The following ARHGAP22 variants were observed in gnomAD, a reference collection of about 807,000 sequenced individuals.
The protein encoded by ARHGAP22 is rho GTPase-activating protein 22.
A neutral mutation model predicts 59.1 loss-of-function variants in ARHGAP22; 48 were observed. That is an observed-to-expected ratio of 0.81 (90% confidence interval 0.64 to 1.03). ARHGAP22 has a LOEUF of 1.03. Ranked by LOEUF, ARHGAP22 falls within the 50% of genes least tolerant of loss-of-function variation. The pLI is 0.00. For synonymous variants in ARHGAP22, 445 were observed against 416.4 expected, an observed-to-expected ratio of 1.07 and a Z score of -0.84; for missense variants, 1,015 against 958.7, an observed-to-expected ratio of 1.06 and a Z score of -0.78.
intron 2 of ARHGAP22, among the ~76,000 whole-genome samples, chr10:48,581,453 C>A (rs1429979050): frequency 6.6e-6 from 1 of 152,232 alleles, no homozygotes; most frequent in East Asian, 1.9e-4. Flanking sequence ...TCATTCAGAT[C>A]TAGCTGACTC....
intron 1 of ARHGAP22, among the ~76,000 whole-genome samples, chr10:48,597,467 G>A (rs1258209595): frequency 6.6e-6 from 1 of 152,176 alleles, no homozygotes; most frequent in Non-Finnish European, 1.5e-5. Context: ...ACAGGATTCT[G>A]AGTCCCGAGG....
At chr10:48,640,404 T>C (rs980325620) in intron 1 of ARHGAP22, among the ~76,000 whole-genome samples, 1 of 152,082 alleles carries the variant, frequency 6.6e-6, no homozygotes, top group Admixed American at 6.5e-5. Flanking sequence ...GTAGGATAAA[T>C]ACAAAGAGAT....
intron 3 of ARHGAP22, among the ~76,000 whole-genome samples, chr10:48,525,013 C>T (rs187900571): frequency 4.8e-4 from 73 of 152,284 alleles, no homozygotes; most frequent in African/African-American, 1.7e-3. Context: ...AAGTGTTTTG[C>T]AAGTGTGAGC....
chr10:48,452,885 T>C (rs1485178541), intron 8 of ARHGAP22, among the ~76,000 whole-genome samples: 1 of 152,236 alleles, frequency 6.6e-6, no homozygotes, highest in Non-Finnish European at 1.5e-5. Flanking sequence ...CTTATTGTTA[T>C]TTATCATAGA....
At chr10:48,528,629 C>T (rs9971117) in intron 3 of ARHGAP22, among the ~76,000 whole-genome samples, 25,445 of 152,000 alleles carry the variant, frequency 0.17, 2,313 homozygotes, top group East Asian at 0.33. Context: ...TGTGTCCCCT[C>T]CAAGTCTCAT....
At chr10:48,588,880 C>A (rs941031023) in intron 1 of ARHGAP22, among the ~76,000 whole-genome samples, 1 of 152,156 alleles carries the variant, frequency 6.6e-6, no homozygotes, top group Admixed American at 6.5e-5. Flanking sequence ...CTATAGACCT[C>A]TGCTGAGGTC....
intron 1 of ARHGAP22, among the ~76,000 whole-genome samples, chr10:48,648,741 G>A (rs2062420642): frequency 6.6e-6 from 1 of 152,236 alleles, no homozygotes; most frequent in South Asian, 2.1e-4. Flanking sequence ...GCAGCAGGGA[G>A]GCCGGCACTG....
At chr10:48,523,057 C>T (rs1435646488) in intron 3 of ARHGAP22, among the ~76,000 whole-genome samples, 1 of 152,260 alleles carries the variant, frequency 6.6e-6, no homozygotes, top group Non-Finnish European at 1.5e-5. Flanking sequence ...AGGTCGAAGG[C>T]TGCCTGACCT....
At chr10:48,637,084 C>T (rs766166830) in intron 1 of ARHGAP22, among the ~76,000 whole-genome samples, 1 of 152,176 alleles carries the variant, frequency 6.6e-6, no homozygotes, top group Non-Finnish European at 1.5e-5. Flanking sequence ...GCCATCCCTG[C>T]CAGGCCAGTC....
chr10:48,479,581 T>C, intron 4 of ARHGAP22, 55 bp downstream of exon 4: 1 of 1,613,120 alleles, frequency 6.2e-7, no homozygotes, highest in Non-Finnish European at 8.5e-7. Flanking sequence ...GCAGGGGGCA[T>C]GATTACCTGG....
intron 3 of ARHGAP22, among the ~76,000 whole-genome samples, chr10:48,526,999 A>G (rs1274512330): frequency 6.6e-6 from 1 of 152,198 alleles, no homozygotes; most frequent in Non-Finnish European, 1.5e-5. Context: ...AACATTCACT[A>G]TGTGTTTCCC....
intron 1 of ARHGAP22, among the ~76,000 whole-genome samples, chr10:48,588,766 G>A (rs1415459276): frequency 6.6e-6 from 1 of 152,248 alleles, no homozygotes. Flanking sequence ...CCCGCAGTCT[G>A]GCAGGGGAAG....
intron 3 of ARHGAP22, chr10:48,524,024 A>T (rs936711729): frequency 2.0e-5 from 29 of 1,463,416 alleles, no homozygotes; most frequent in Non-Finnish European, 2.6e-5. Flanking sequence ...GGCCGCAGGG[A>T]GCGGGGCGCA....
rs186241473 is a variant in ARHGAP22 at position 48,595,440 on chromosome 10, C to T, written c.34+9323G>A. 3.9e-5 allele frequency among the ~76,000 whole-genome samples: 6 copies of T among 152,296 alleles called. No homozygotes were observed. In the East Asian group the frequency reaches 1.2e-3, roughly 29 times the overall value. On this transcript the variant is annotated intron_variant, in intron 1 of 9. Coordinates refer to ENST00000249601, the MANE Select transcript of ARHGAP22 (RefSeq NM_021226.4). ...GTCCCACACCGTCCTGGGAATTGTG[C>T]ACAAGCATCAGATGATTTATTACCT...
chr10:48,598,062 A>G lies in ARHGAP22; in HGVS notation c.34+6701T>C, dbSNP rs536777965. ...AGTTCTCCAGCTGTCTGGGGCTACA[A>G]GACCAGCTTGGAGCTGCTCCAGCCC... On this transcript the variant is annotated intron_variant, in intron 1 of 9. Transcript: ENST00000249601. Among the ~76,000 whole-genome samples the G allele has an allele frequency of 2.9e-4, 44 of 152,372 alleles. No homozygotes were observed. The South Asian group carries it at 8.9e-3, about 31-fold the overall frequency.
At chr10:48,577,800 G>GTTTTTTTTTTTTTTTTTTTTTTTT (rs2058824590) in intron 2 of ARHGAP22, among the ~76,000 whole-genome samples, 1 of 41,962 alleles carries the variant, frequency 2.4e-5, no homozygotes, top group African/African-American at 1.3e-4. Context: ...GCTCTTTTTT[G>GTTTTTTTTTTTTTTTTTTTTTTTT]GTTTTTTTTT....
chr10:48,460,368 A>G (rs148783547), intron 4 of ARHGAP22, among the ~76,000 whole-genome samples: 12 of 152,280 alleles, frequency 7.9e-5, no homozygotes, highest in Non-Finnish European at 1.6e-4. Flanking sequence ...TAATGTGAAA[A>G]CCATAGTCGT....
At chr10:48,473,036 T>C (rs1194845091) in intron 4 of ARHGAP22, among the ~76,000 whole-genome samples, 1 of 152,168 alleles carries the variant, frequency 6.6e-6, no homozygotes, top group East Asian at 1.9e-4. Flanking sequence ...AAAGAGATAT[T>C]TGCACCCTCA....
intron 1 of ARHGAP22, among the ~76,000 whole-genome samples, chr10:48,621,568 A>G (rs1039571954): frequency 1.6e-4 from 24 of 152,200 alleles, no homozygotes; most frequent in African/African-American, 5.8e-4. Flanking sequence ...CTCCATCTAA[A>G]ATCTATTCAT....
Sources: gnomAD v4.1 joint callset for allele counts (sites outside exome capture counted in the v4.1 genomes callset) on GRCh38, gnomAD v4.1.1 for gene constraint, MANE v1.5 for transcripts, NCBI Gene and HGNC (gene_info 2026-07-23, HGNC 2026-07-21) for gene names.